The following UNC79 variants were observed in gnomAD, a reference collection of about 807,000 sequenced individuals.
UNC79 encodes the protein unc-79 subunit of NALCN channel complex, also known as protein unc-79 homolog.
Under a neutral mutation model 283.1 loss-of-function variants are expected in UNC79, and 37 were observed. The observed-to-expected ratio is 0.13, with a 90% CI of 0.10 to 0.17. UNC79 has a LOEUF of 0.17. Among genes scored for constraint, UNC79 ranks in the 10% least tolerant of loss-of-function variants. UNC79 has a pLI of 1.00. For missense variants in UNC79, 2,272 were observed against 3,211.1 expected, an observed-to-expected ratio of 0.71 and a Z score of 7.07; for synonymous variants, 1,107 against 1,200.2, an observed-to-expected ratio of 0.92 and a Z score of 1.61.
At chr14:93,429,153 C>A (rs1038402360), upstream of UNC79, among the ~76,000 whole-genome samples, 1 of 152,200 alleles carries the variant, frequency 6.6e-6, no homozygotes, top group Non-Finnish European at 1.5e-5. Context: ...TTTAGTCATA[C>A]AAAGTGTTTG....
intron 39 of UNC79, among the ~76,000 whole-genome samples, chr14:93,659,849 G>T (rs2071348156): frequency 6.6e-6 from 1 of 152,080 alleles, no homozygotes; most frequent in Non-Finnish European, 1.5e-5. Context: ...CATTTCCTTT[G>T]CCTGAAATGT....
At chr14:93,560,684 G>C (rs1479905928) in intron 14 of UNC79, among the ~76,000 whole-genome samples, 2 of 152,140 alleles carry the variant, frequency 1.3e-5, no homozygotes, top group African/African-American at 4.8e-5. Flanking sequence ...AGGAAAACTA[G>C]TGTGCATGTG....
At chr14:93,363,911 A>G (rs1459801377) in intron 1 of UNC79, among the ~76,000 whole-genome samples, 1 of 151,992 alleles carries the variant, frequency 6.6e-6, no homozygotes, top group Non-Finnish European at 1.5e-5. Context: ...TAGTAGAGAC[A>G]GGGTTTCACC....
chr14:93,602,888 A>G (rs1416411375), intron 25 of UNC79, among the ~76,000 whole-genome samples: 1 of 152,138 alleles, frequency 6.6e-6, no homozygotes, highest in Admixed American at 6.5e-5. Flanking sequence ...GGATCCTCCC[A>G]CCATGGCCTC....
chr14:93,543,800 A>T (rs2061482915), intron 14 of UNC79, among the ~76,000 whole-genome samples: 1 of 152,028 alleles, frequency 6.6e-6, no homozygotes, highest in South Asian at 2.1e-4. Context: ...GTGATTTTTT[A>T]TTTCCTTTCA....
At chr14:93,389,841 T>C (rs1244933915) in intron 1 of UNC79, among the ~76,000 whole-genome samples, 1 of 152,086 alleles carries the variant, frequency 6.6e-6, no homozygotes, top group Non-Finnish European at 1.5e-5. Context: ...TTAGTAGAGA[T>C]GGGGTTTTGC....
intron 1 of UNC79, among the ~76,000 whole-genome samples, chr14:93,353,128 C>A (rs577292581): frequency 2.6e-5 from 4 of 152,346 alleles, no homozygotes; most frequent in African/African-American, 9.6e-5. Flanking sequence ...CTACTTCTTT[C>A]TTCTCCACAG....
At chr14:93,428,042 TAGGG>T (rs1337600947), upstream of UNC79, among the ~76,000 whole-genome samples, 11 of 152,126 alleles carry the variant, frequency 7.2e-5, no homozygotes, top group South Asian at 2.3e-3. Flanking sequence ...CAAAAAGAAA[TAGGG>T]AGAAATTTCA....
chr14:93,575,909 C>T (rs998558780), intron 17 of UNC79, among the ~76,000 whole-genome samples: 6 of 152,188 alleles, frequency 3.9e-5, no homozygotes, highest in Non-Finnish European at 7.3e-5. Flanking sequence ...CACAGGCCTC[C>T]AGCCATCCCA....
chr14:93,676,819 CA>C lies in UNC79; in HGVS notation c.6741+3367del, dbSNP rs1407615004. 3.3e-5 allele frequency among the ~76,000 whole-genome samples: 5 copies of C among 152,230 alleles called. No individual in the cohort carries two copies. The East Asian group carries it at 7.7e-4, about 23-fold the overall frequency. On this transcript the variant is annotated intron_variant, in intron 41 of 48. Transcript: ENST00000555664. ...CAGTTAGGTGAATAAATAACAAAAA[CA>C]AATGAAGAAGAAAGACAGCAAAAAG...
chr14:93,633,517 G>A (rs763344708), intron 31 of UNC79, among the ~76,000 whole-genome samples: 3 of 152,162 alleles, frequency 2.0e-5, no homozygotes, highest in East Asian at 3.8e-4. Context: ...TTTCTAGGGC[G>A]TGTAGTTGAT....
intron 44 of UNC79, chr14:93,689,798 A>C: frequency 2.3e-5 from 6 of 255,382 alleles, no homozygotes; most frequent in Non-Finnish European, 3.0e-5. Context: ...CCACCAGAGA[A>C]GAAATTTCTA....
intron 8 of UNC79, 64 bp from the exon 9 acceptor site, chr14:93,528,494 T>G: frequency 6.9e-7 from 1 of 1,456,858 alleles, no homozygotes; most frequent in South Asian, 1.2e-5. Flanking sequence ...CATTTGTGCT[T>G]AGAATATAGG....
At chr14:93,412,427 T>C (rs1464740676) in intron 1 of UNC79, among the ~76,000 whole-genome samples, 1 of 151,860 alleles carries the variant, frequency 6.6e-6, no homozygotes, top group Non-Finnish European at 1.5e-5. Flanking sequence ...ATATCCAAGT[T>C]CAAGAAGGCT....
intron 31 of UNC79, among the ~76,000 whole-genome samples, chr14:93,633,790 G>A (rs2068253503): frequency 6.6e-6 from 1 of 152,160 alleles, no homozygotes; most frequent in Non-Finnish European, 1.5e-5. Context: ...GATGGGATAT[G>A]TTTCAATGCT....
intron 19 of UNC79, among the ~76,000 whole-genome samples, chr14:93,581,767 T>C (rs1595938336): frequency 6.6e-6 from 1 of 151,888 alleles, no homozygotes; most frequent in African/African-American, 2.4e-5. Context: ...GCTGGGATTA[T>C]AGGCATGAGC....
rs1193751068 is a variant in UNC79 at position 93,340,441 on chromosome 14, C to CAAAAA, written c.-351+6937_-351+6941dup. On this transcript the variant is annotated intron_variant, in intron 1 of 49. Coordinates refer to the UNC79 transcript ENST00000256339. Reference sequence around the variant, plus strand: ...TGGGCGACAGAGCAAAACGCTGTCTCAAAAAAAAAAAAAAAAAAAAAAAGA... The same window carrying CAAAAA: ...TGGGCGACAGAGCAAAACGCTGTCTCAAAAAAAAAAAAAAAAAAAAAAAAAAAAGA... 4.8e-4 allele frequency among the ~76,000 whole-genome samples: 31 copies of CAAAAA among 64,374 alleles called. 1 individual carries two copies. Among genetic ancestry groups the CAAAAA allele is most frequent in the African/African-American group, 8.2e-4 (15 of 18,184 alleles). The allele number at this position is 64,374 out of a possible 152,430, so 42.2% of individuals were successfully genotyped here. A position where few individuals can be genotyped will look rare whatever the true frequency, so the allele number is the denominator to read the frequency against.
chr14:93,482,081 T>A (rs2058173986), intron 4 of UNC79, among the ~76,000 whole-genome samples: 1 of 152,210 alleles, frequency 6.6e-6, no homozygotes, highest in Non-Finnish European at 1.5e-5. Flanking sequence ...TATCATGTGA[T>A]ATTATGCACG....
intron 23 of UNC79, among the ~76,000 whole-genome samples, chr14:93,596,659 A>G (rs2065105412): frequency 6.6e-6 from 1 of 152,138 alleles, no homozygotes; most frequent in Non-Finnish European, 1.5e-5. Context: ...AAACCAACAA[A>G]CAAAAGAATA....
Sources: gnomAD v4.1 joint callset for allele counts (sites outside exome capture counted in the v4.1 genomes callset) on GRCh38, gnomAD v4.1.1 for gene constraint, MANE v1.5 for transcripts, NCBI Gene and HGNC (gene_info 2026-07-23, HGNC 2026-07-21) for gene names.